PARM1: variants seen among roughly 807,000 people sequenced by gnomAD.
The protein encoded by PARM1 is prostate androgen-regulated mucin-like protein 1.
A neutral mutation model predicts 24.6 loss-of-function variants in PARM1; 14 were observed. The observed-to-expected ratio is 0.57, with a 90% CI of 0.38 to 0.89. The LOEUF is 0.89. Ranked by LOEUF, PARM1 falls within the 40% of genes least tolerant of loss-of-function variation. PARM1 has a pLI of 0.00. For missense variants in PARM1, 362 were observed against 380.4 expected (o/e 0.95, Z 0.40); for synonymous variants, 179 against 156.6 (o/e 1.14, Z -1.07).
At chr4:75,015,827 A>G (rs771309346) in intron 2 of PARM1, among the ~76,000 whole-genome samples, 14 of 152,280 alleles carry the variant, frequency 9.2e-5, no homozygotes, top group Non-Finnish European at 1.6e-4. Context: ...GTCCTCTCTC[A>G]CCACTCTGAA....
rs183002562 is a variant in PARM1, at chr4:74,961,749, A to T, written c.43+28379A>T. The stretch of plus-strand genomic sequence containing the variant: ...CTGTCTTTCAAAAGAGGAGAAATTA[A>T]GACATTTCCTGAAAAACAAAATCTG... On this transcript the variant is annotated intron_variant, in intron 1 of 3. Transcript: ENST00000307428. Among the ~76,000 whole-genome samples, 1,181 of 152,334 alleles carry T rather than the reference A, an allele frequency of 7.8e-3. 8 individuals carry two copies. Among genetic ancestry groups the T allele is most frequent in the Middle Eastern group, 0.024 (7 of 294 alleles).
intron 1 of PARM1, among the ~76,000 whole-genome samples, chr4:75,004,732 CTT>C (rs1553971228): frequency 6.6e-6 from 1 of 152,180 alleles, no homozygotes; most frequent in Admixed American, 6.5e-5. Context: ...AGTCTAATAA[CTT>C]TTAAAAAGTC....
At chr4:75,002,972 T>G (rs969769404) in intron 1 of PARM1, among the ~76,000 whole-genome samples, 6 of 152,230 alleles carry the variant, frequency 3.9e-5, no homozygotes, top group African/African-American at 9.6e-5. Context: ...GGCCTTTGTG[T>G]GTACTCTTGC....
At chr4:74,933,392 G>A (rs1179014964) in intron 1 of PARM1, 22 bp downstream of exon 1, 3 of 1,610,814 alleles carry the variant, frequency 1.9e-6, no homozygotes, top group African/African-American at 1.3e-5. Context: ...CATCCTCCCG[G>A]AAGGGCAGGT....
At chr4:75,019,662 A>C (rs1560794096) in intron 2 of PARM1, among the ~76,000 whole-genome samples, 1 of 152,258 alleles carries the variant, frequency 6.6e-6, no homozygotes, top group Non-Finnish European at 1.5e-5. Flanking sequence ...AGATTTGAAA[A>C]AAGAATCAAC....
intron 1 of PARM1, among the ~76,000 whole-genome samples, chr4:74,994,954 G>T (rs1722549798): frequency 6.6e-6 from 1 of 152,068 alleles, no homozygotes; most frequent in Non-Finnish European, 1.5e-5. Context: ...CTGGCGCTCA[G>T]CTACTTGGAG....
chr4:74,971,496 T>C (rs544349777), intron 1 of PARM1, among the ~76,000 whole-genome samples: 1 of 152,322 alleles, frequency 6.6e-6, no homozygotes, highest in East Asian at 1.9e-4. Flanking sequence ...AAAAATGAGA[T>C]GTGTTTCACA....
chr4:75,000,905 C>T (rs1404400167), intron 1 of PARM1, among the ~76,000 whole-genome samples: 1 of 152,080 alleles, frequency 6.6e-6, no homozygotes, highest in African/African-American at 2.4e-5. Flanking sequence ...GTGGTTTGAC[C>T]TATAGTTTTA....
intron 2 of PARM1, among the ~76,000 whole-genome samples, chr4:75,030,741 G>A (rs971361183): frequency 6.6e-6 from 1 of 152,150 alleles, no homozygotes; most frequent in Non-Finnish European, 1.5e-5. Flanking sequence ...ATCCCAATGA[G>A]GAAGAAATGA....
intron 1 of PARM1, among the ~76,000 whole-genome samples, chr4:74,940,414 A>G (rs965279280): frequency 1.3e-5 from 2 of 152,238 alleles, no homozygotes; most frequent in Non-Finnish European, 2.9e-5. Context: ...TGGGAAGTCC[A>G]AGATCAGGGC....
intron 1 of PARM1, among the ~76,000 whole-genome samples, chr4:75,008,977 G>A (rs1294845641): frequency 6.6e-6 from 1 of 151,402 alleles, no homozygotes; most frequent in Non-Finnish European, 1.5e-5. Flanking sequence ...CTGCCAGAAT[G>A]CAAAGCCAGT....
At chr4:74,987,872 G>C (rs1407802428) in intron 1 of PARM1, among the ~76,000 whole-genome samples, 1 of 152,206 alleles carries the variant, frequency 6.6e-6, no homozygotes, top group Non-Finnish European at 1.5e-5. Flanking sequence ...GACACAAGCA[G>C]ATAGATCATC....
At chr4:74,950,899 T>C (rs1042791233) in intron 1 of PARM1, among the ~76,000 whole-genome samples, 2 of 151,828 alleles carry the variant, frequency 1.3e-5, no homozygotes, top group South Asian at 2.1e-4. Context: ...TAAATACCGA[T>C]AGCACCCTGC....
At chr4:74,936,847 C>T (rs1323568835) in intron 1 of PARM1, among the ~76,000 whole-genome samples, 2 of 152,080 alleles carry the variant, frequency 1.3e-5, no homozygotes, top group African/African-American at 4.8e-5. Context: ...TCTGAATACT[C>T]AAGAAGGACA....
chr4:74,950,840 G>A (rs1721508261), intron 1 of PARM1, among the ~76,000 whole-genome samples: 1 of 150,208 alleles, frequency 6.7e-6, no homozygotes, highest in Admixed American at 6.6e-5. Flanking sequence ...ATTTGGAGGG[G>A]GATTTTTTTT....
At chr4:74,965,339 A>C (rs1721875969) in intron 1 of PARM1, 1 of 152,210 alleles carries the variant, frequency 6.6e-6, no homozygotes, top group African/African-American at 2.4e-5. Flanking sequence ...GATGCATAGC[A>C]AGAAAAAGTG....
intron 1 of PARM1, among the ~76,000 whole-genome samples, chr4:74,995,875 G>T (rs1299800923): frequency 6.6e-6 from 1 of 152,062 alleles, no homozygotes; most frequent in Non-Finnish European, 1.5e-5. Context: ...AAATCACTGG[G>T]ATAAAGTTCA....
At chr4:75,026,252 C>T (rs1398417923) in intron 2 of PARM1, among the ~76,000 whole-genome samples, 1 of 151,686 alleles carries the variant, frequency 6.6e-6, no homozygotes, top group Non-Finnish European at 1.5e-5. Context: ...TACTTTGGGC[C>T]TAGACAAATA....
At chr4:74,968,888 T>G (rs753593104) in intron 1 of PARM1, among the ~76,000 whole-genome samples, 5 of 152,222 alleles carry the variant, frequency 3.3e-5, no homozygotes, top group Non-Finnish European at 5.9e-5. Flanking sequence ...GTAGGATTTT[T>G]GGGTTCCAGT....
Sources: gnomAD v4.1 joint callset for allele counts (sites outside exome capture counted in the v4.1 genomes callset) on GRCh38, gnomAD v4.1.1 for gene constraint, MANE v1.5 for transcripts, NCBI Gene and HGNC (gene_info 2026-07-23, HGNC 2026-07-21) for gene names.